Variants in CA7 observed in about 807,000 individuals in gnomAD.
CA7 encodes the protein carbonic anhydrase 7, also known as carbonate dehydratase VII.
CA7 carries 13 observed loss-of-function variants against 31.4 expected under a neutral mutation model. The observed-to-expected ratio is 0.41, with a 90% CI of 0.27 to 0.66. The LOEUF is 0.66. CA7 is among the 30% of genes least tolerant of loss of function. The probability of loss-of-function intolerance (pLI) is 0.28; values close to 1 mark genes in which losing one functional copy is unlikely to be tolerated. For synonymous variants in CA7, 128 were observed against 133.2 expected (o/e 0.96, Z 0.27); for missense variants, 215 against 351.0 (o/e 0.61, Z 3.10).
chr16:66,850,988 A>T (rs530506654), intron 3 of CA7, among the ~76,000 whole-genome samples: 1 of 151,698 alleles, frequency 6.6e-6, no homozygotes, highest in South Asian at 2.1e-4. Flanking sequence ...CCTTCCCCTC[A>T]CCTCTTCATA....
At chr16:66,845,045 G>T in intron 1 of CA7, 2 of 986,232 alleles carry the variant, frequency 2.0e-6, no homozygotes, top group Non-Finnish European at 2.4e-6. Context: ...GCCGGTACGT[G>T]AGGGAAGGGG....
At chr16:66,851,414 C>T (rs1342881338) in intron 3 of CA7, 49 bp from the exon 4 acceptor site, 4 of 1,469,608 alleles carry the variant, frequency 2.7e-6, no homozygotes, top group Non-Finnish European at 3.8e-6. Flanking sequence ...GCTCAGAGTT[C>T]CCATTGCCTC....
At chr16:66,844,751 C>G (rs1960887378) in intron 1 of CA7, among the ~76,000 whole-genome samples, 2 of 152,238 alleles carry the variant, frequency 1.3e-5, no homozygotes, top group South Asian at 2.1e-4. Context: ...CGCCAGCAAG[C>G]GACCTGGCGG....
chr16:66,853,379 G>C lies in CA7; in HGVS notation c.676G>C (p.Gly226Arg), dbSNP rs1430735122. The change falls in exon 7 of 7, where the codon GGG becomes CGG. Residue 226 changes from glycine (G) to arginine (R), a missense_variant. By Grantham distance (125) the Gly-to-Arg change is moderately radical. Transcript: ENST00000338437. The surrounding 1 kb of genome is among the most constrained non-coding windows in gnomAD (Gnocchi z 4.5). ...GCATTCCTTCTGCTTCCTCAAGATG[G>C]GGAAGTTCCGGAGCCTGCTTTTTAC... ...EPICISERQM[G>R]KFRSLLFTSE... is the part of the protein sequence containing the mutation. The C allele has an allele frequency of 6.2e-6, 10 of 1,614,080 alleles. No homozygotes were observed. The highest frequency in any genetic ancestry group is 8.5e-6 in the Non-Finnish European group (10 of 1,180,006).
chr16:66,851,440 A>G, intron 3 of CA7, 23 bp from the exon 4 acceptor site: 1 of 1,603,276 alleles, frequency 6.2e-7, no homozygotes, highest in Non-Finnish European at 8.5e-7. Flanking sequence ...GGCACGAAGC[A>G]TTGGCCTGTT....
At chr16:66,852,054 C>T (rs1431840941) in intron 5 of CA7, among the ~76,000 whole-genome samples, 1 of 152,154 alleles carries the variant, frequency 6.6e-6, no homozygotes, top group Non-Finnish European at 1.5e-5. Flanking sequence ...CTTTTACATA[C>T]AAGCAAACGG....
In CA7 at chr16:66,853,702, C is replaced by T; in HGVS notation, c.*204C>T. On this transcript the variant is annotated 3_prime_UTR_variant, in exon 7 of 7. Coordinates refer to ENST00000338437, the MANE Select transcript of CA7 (RefSeq NM_005182.3). The surrounding 1 kb of genome is among the most constrained non-coding windows in gnomAD (Gnocchi z 4.5). ...TCAGCTGCCCTGGGGACAGGAAGGA[C>T]AGGAGCTAAGCAGGGTCCAAGCCTG... 1.6e-6 allele frequency: 1 copy of T among 636,020 alleles called. No homozygotes were observed. Among genetic ancestry groups the T allele is most frequent in the Non-Finnish European group, 2.7e-6 (1 of 376,322 alleles). 39.4% of individuals were successfully genotyped at this position (636,020 alleles called of 1,614,324 possible).
At chr16:66,851,639 G>T in intron 4 of CA7, 25 bp from the exon 5 acceptor site, 2 of 1,613,936 alleles carry the variant, frequency 1.2e-6, no homozygotes, top group Non-Finnish European at 1.7e-6. Flanking sequence ...TGGGCTCTGG[G>T]CTCACACTGC....
chr16:66,850,890 C>G (rs1316405055), intron 3 of CA7, among the ~76,000 whole-genome samples: 1 of 152,098 alleles, frequency 6.6e-6, no homozygotes, highest in Non-Finnish European at 1.5e-5. Flanking sequence ...GAAGGGCTAC[C>G]CAGTCCCACT....
intron 5 of CA7, among the ~76,000 whole-genome samples, chr16:66,852,172 G>C (rs1213599665): frequency 6.6e-6 from 1 of 152,140 alleles, no homozygotes; most frequent in Non-Finnish European, 1.5e-5. Flanking sequence ...GATAGAAATG[G>C]GTGGAGAATG....
At chr16:66,846,318 G>A (rs1960928341) in intron 1 of CA7, among the ~76,000 whole-genome samples, 1 of 152,132 alleles carries the variant, frequency 6.6e-6, no homozygotes, top group African/African-American at 2.4e-5. Context: ...CTGTGTGTGT[G>A]TTTGTACACA....
intron 1 of CA7, among the ~76,000 whole-genome samples, chr16:66,845,927 G>A (rs115113729): frequency 0.01 from 1,544 of 152,290 alleles, 32 homozygotes; most frequent in African/African-American, 0.035. Context: ...TGTTCACAGG[G>A]CTTCAAAAAT....
rs893419052 is a variant in CA7 at position 66,852,708 on chromosome 16, C to T, written c.517-4C>T. On this transcript the variant is annotated splice_region_variant and splice_polypyrimidine_tract_variant and intron_variant, in intron 5 of 6. Coordinates refer to ENST00000338437, the MANE Select transcript of CA7 (RefSeq NM_005182.3). ...GATTCCTGGGTTCCTCCACCTTGTT[C>T]CAGGGCACCAAAGCCCAGTTCAGCT... 1.2e-6 allele frequency: 2 copies of T among 1,610,654 alleles called. No individual in the cohort carries two copies. The highest frequency in any genetic ancestry group is 1.3e-5 in the African/African-American group (1 of 74,846).
Position 66,853,258 on chromosome 16 carries a change from AG to A in CA7, c.673-115del. On this transcript the variant is annotated intron_variant, in intron 6 of 6. Transcript: ENST00000338437. The surrounding 1 kb of genome is among the most constrained non-coding windows in gnomAD (Gnocchi z 4.5). Reference sequence around the variant, plus strand: ...TGGGGAAGAGTAGGGACAGACCCTAAGGGAAGGAGGAGGGAGGGGTAGAGCT... The same window carrying A: ...TGGGGAAGAGTAGGGACAGACCCTAAGGAAGGAGGAGGGAGGGGTAGAGCT... 1 of 1,277,260 alleles carries A rather than the reference AG, an allele frequency of 7.8e-7. No homozygotes were observed. The highest frequency in any genetic ancestry group is 1.1e-6 in the Non-Finnish European group (1 of 896,880). The allele number at this position is 1,277,260 out of a possible 1,614,324, so 79.1% of individuals were successfully genotyped here.
At chr16:66,851,861 G>T (rs1597063469) in intron 5 of CA7, 135 bp downstream of exon 5, 2 of 782,924 alleles carry the variant, frequency 2.6e-6, no homozygotes, top group East Asian at 5.4e-5. Context: ...AGCATCAGCA[G>T]GGCCCTGCAC....
At chr16:66,850,868 G>A (rs764635626) in intron 3 of CA7, among the ~76,000 whole-genome samples, 11 of 152,218 alleles carry the variant, frequency 7.2e-5, no homozygotes, top group East Asian at 1.9e-4. Context: ...TCTGTGCGTC[G>A]TGGAGTTTTC....
chr16:66,844,881 G>T, intron 1 of CA7: 11 of 1,070,324 alleles, frequency 1.0e-5, no homozygotes, highest in Non-Finnish European at 1.1e-5. Flanking sequence ...CAGGGCAGCG[G>T]GGGGCGGGCG....
At chr16:66,851,641 T>A in intron 4 of CA7, 23 bp from the exon 5 acceptor site, 1 of 1,613,888 alleles carries the variant, frequency 6.2e-7, no homozygotes. Context: ...GGCTCTGGGC[T>A]CACACTGCCC....
At position 66,844,414 on chromosome 16, in the gene CA7, G is replaced by T; in HGVS notation, c.-74G>T. 2 of 1,307,124 alleles carry T rather than the reference G, an allele frequency of 1.5e-6. No individual in the cohort carries two copies. Among genetic ancestry groups the T allele is most frequent in the Non-Finnish European group, 1.0e-6 (1 of 958,432 alleles). The allele number at this position is 1,307,124 out of a possible 1,614,324, so 81.0% of individuals were successfully genotyped here. On this transcript the variant is annotated 5_prime_UTR_variant, in exon 1 of 7. Transcript: ENST00000338437. ...AAGAGGCTGCTCCGCGGTAGCGAGC[G>T]GGGCCGGAGCCGCAGCCCGAACGAG...
Sources: gnomAD v4.1 joint callset for allele counts (sites outside exome capture counted in the v4.1 genomes callset) on GRCh38, gnomAD v4.1.1 for gene constraint, Gnocchi (gnomAD v3.1) non-coding constraint, MANE v1.5 for transcripts, NCBI Gene and HGNC (gene_info 2026-07-23, HGNC 2026-07-21) for gene names.